TMEM86B: variants seen among roughly 807,000 people sequenced by gnomAD.
TMEM86B encodes the protein lysoplasmalogenase TMEM86B.
A neutral mutation model predicts 12.3 loss-of-function variants in TMEM86B; 15 were observed. That is an observed-to-expected ratio of 1.22 (90% CI 0.81 to 1.87). The LOEUF (loss-of-function observed/expected upper bound fraction) is 1.87. Ranked by LOEUF, TMEM86B falls within the 40% of genes most tolerant of loss-of-function variation. The pLI, the probability that TMEM86B is intolerant of heterozygous loss-of-function variation, is 0.00. For missense variants in TMEM86B, 328 were observed against 297.4 expected (o/e 1.10, Z -0.76); for synonymous variants, 173 against 140.3 (o/e 1.23, Z -1.65).
chr19:55,228,670 C>G, intron 1 of TMEM86B, 21 bp downstream of exon 1: 1 of 1,607,310 alleles, frequency 6.2e-7, no homozygotes, highest in Non-Finnish European at 8.5e-7. Flanking sequence ...CAGCCCCAGG[C>G]ACAGCTCAGA....
At chr19:55,227,817 C>T in intron 2 of TMEM86B, 1 of 609,540 alleles carries the variant, frequency 1.6e-6, no homozygotes, top group Non-Finnish European at 2.8e-6. Flanking sequence ...CCACCCTGGC[C>T]TGCTGGGCTA....
Position 55,228,110 on chromosome 19 carries a change from C to T in TMEM86B, c.298+81G>A, listed in dbSNP as rs370934807. 5.3e-6 allele frequency: 8 copies of T among 1,510,142 alleles called. No individual in the cohort carries two copies. In the East Asian group the frequency reaches 1.1e-4, roughly 22 times the overall value. The allele number at this position is 1,510,142 out of a possible 1,614,324, so 93.5% of individuals were successfully genotyped here. A position where few individuals can be genotyped will look rare whatever the true frequency, so the allele number is the denominator to read the frequency against. ...GACCACTGGAGCTCTCACAGGAGCC[C>T]TCTGCACCCAGGCTCCCATCCAAGT... On this transcript the variant is annotated intron_variant, in intron 2 of 2. Transcript: ENST00000327042.
At position 55,227,198 on chromosome 19, in the gene TMEM86B, C is replaced by T; in HGVS notation, c.664G>A (p.Val222Met). ...CTCCCTAGTCAGTCAGTCTTGGGCA[C>T]CGGGCTCCTGAGGGCTGACAGTGTG... ...LITLSALRSP[V>M]PKTD is the part of the protein sequence containing the mutation. The change falls in exon 3 of 3, where the codon GTG becomes ATG. Residue 222 changes from valine (V) to methionine (M), a missense_variant. Transcript: ENST00000327042. The T allele has an allele frequency of 6.6e-7, 1 of 1,524,962 alleles. No homozygotes were observed. The allele number at this position is 1,524,962 out of a possible 1,614,324, so 94.5% of individuals were successfully genotyped here.
intron 2 of TMEM86B, 30 bp downstream of exon 2, chr19:55,228,161 C>T (rs1418735282): frequency 1.3e-6 from 2 of 1,585,828 alleles, no homozygotes; most frequent in Admixed American, 3.4e-5. Context: ...ACACGGGCAT[C>T]TGGAAAGCGT....
intron 2 of TMEM86B, chr19:55,227,958 G>A: frequency 1.4e-6 from 1 of 719,656 alleles, no homozygotes; most frequent in South Asian, 1.9e-5. Flanking sequence ...GCTTCAAACT[G>A]CAGTACCTCC....
At position 55,228,736 on chromosome 19, in the gene TMEM86B, G is replaced by A. The variant is rs377158968; in HGVS notation, c.6C>T (p.Asp2=). 162 of 1,613,274 alleles carry A rather than the reference G, an allele frequency of 1.0e-4. No individual in the cohort carries two copies. In the African/African-American group the frequency reaches 1.5e-3, roughly 15 times the overall value. M[D]AGKAGQTLKT... The stretch of plus-strand genomic sequence containing the variant: ...TCAGGGTCTGCCCCGCTTTGCCAGC[G>A]TCCATGCTGGCCTGATAGCCCCAGA... Residue 2 remains aspartate (D), a synonymous_variant, in exon 1 of 3, where the codon GAC becomes GAT. Transcript: ENST00000327042.
intron 1 of TMEM86B, 31 bp downstream of exon 1, chr19:55,228,660 C>G (rs746575586): frequency 1.1e-5 from 17 of 1,601,300 alleles, no homozygotes; most frequent in South Asian, 2.2e-5. Flanking sequence ...CCTGTCCCCC[C>G]AGCCCCAGGC....
rs555288137 is a variant in TMEM86B at position 55,228,067 on chromosome 19, GC to G, written c.298+123del. Reference sequence around the variant, plus strand: ...CGTGAGCTGCCTCGGTCACGGCTGCGCCCCCCACTGTGCCTTTGACCACTGG... The same window carrying G: ...CGTGAGCTGCCTCGGTCACGGCTGCGCCCCCACTGTGCCTTTGACCACTGG... On this transcript the variant is annotated intron_variant, in intron 2 of 2. Coordinates refer to ENST00000327042, the MANE Select transcript of TMEM86B (RefSeq NM_173804.5). 3.5e-6 allele frequency: 5 copies of G among 1,428,694 alleles called. No homozygotes were observed. The South Asian group carries it at 5.9e-5, about 17-fold the overall frequency. 88.5% of individuals were successfully genotyped at this position (1,428,694 alleles called of 1,614,324 possible).
chr19:55,228,399 G>C lies in TMEM86B; in HGVS notation c.90C>G (p.Leu30=), dbSNP rs141783629. ...DVCRWLSPFI[L]SCCVYFCLWI... Reference sequence around the variant, plus strand: ...AGAGGCAGAAGTACACGCAGCAGGAGAGGATGAAGGGGCTCAGCCACCTGC... The same window carrying C: ...AGAGGCAGAAGTACACGCAGCAGGACAGGATGAAGGGGCTCAGCCACCTGC... The change falls in exon 2 of 3, where the codon CTC becomes CTG. Residue 30 remains leucine, a synonymous_variant. Coordinates refer to ENST00000327042, the MANE Select transcript of TMEM86B (RefSeq NM_173804.5). 3.8e-5 allele frequency: 62 copies of C among 1,613,454 alleles called. No individual in the cohort carries two copies. Among genetic ancestry groups the C allele is most frequent in the Non-Finnish European group, 4.7e-5 (56 of 1,180,012 alleles).
In TMEM86B at chr19:55,226,978, G is replaced by T; in HGVS notation, c.*203C>A. ...GGATCTGGAGTCAGAACCGGGGGAA[G>T]GCAGCTGGAACCCAGTAGTGGACTT... On this transcript the variant is annotated 3_prime_UTR_variant, in exon 3 of 3. Transcript: ENST00000327042. 2.0e-6 allele frequency: 1 copy of T among 500,810 alleles called. No homozygotes were observed. Among genetic ancestry groups the T allele is most frequent in the Non-Finnish European group, 3.2e-6 (1 of 313,788 alleles). The allele number at this position is 500,810 out of a possible 1,614,324, so 31.0% of individuals were successfully genotyped here.
At position 55,228,431 on chromosome 19, in the gene TMEM86B, C is replaced by G. The variant is rs777780849; in HGVS notation, c.58G>C (p.Asp20His). Residue 20 changes from aspartate to histidine, a missense_variant, in exon 2 of 3, where the codon GAT (aspartate) becomes CAT (histidine). Asp to His is a moderately conservative substitution (Grantham distance 81). Transcript: ENST00000327042. ...LKTHCSAQRPDVCRWLSPFIL... is the reference protein window; with the variant it reads ...LKTHCSAQRPHVCRWLSPFIL... The stretch of plus-strand genomic sequence containing the variant: ...AAGGGGCTCAGCCACCTGCAGACAT[C>G]TGGGCGCTTTGGGGAGTGGGGAGCT... The G allele has an allele frequency of 1.9e-6, 3 of 1,611,980 alleles. No individual in the cohort carries two copies. Among genetic ancestry groups the G allele is most frequent in the Non-Finnish European group, 2.5e-6 (3 of 1,179,976 alleles).
At position 55,227,063 on chromosome 19, in the gene TMEM86B, T is replaced by C. The variant is rs1600098905; in HGVS notation, c.*118A>G. ...CAGAAGCGACGGCGGCAGCGGCGCC[T>C]GCAGACAGGCGTCAGGAAGCTTCGC... On this transcript the variant is annotated 3_prime_UTR_variant, in exon 3 of 3. Transcript: ENST00000327042. The C allele has an allele frequency of 1.6e-6, 2 of 1,218,886 alleles. No individual in the cohort carries two copies. Among genetic ancestry groups the C allele is most frequent in the Non-Finnish European group, 2.1e-6 (2 of 939,250 alleles). 75.5% of individuals were successfully genotyped at this position (1,218,886 alleles called of 1,614,324 possible).
At position 55,228,278 on chromosome 19, in the gene TMEM86B, C is replaced by A; in HGVS notation, c.211G>T (p.Gly71Trp). ...CCCTGGAGGAGCTGGGTGTAGCCCC[C>A]GCTTGGGGACATGACCCACAGGAAC... The part of the protein sequence containing the change: ...AGFLWVMSPS[G>W]GYTQLLQGAL... The change falls in exon 2 of 3, where the codon GGG (glycine) becomes TGG (tryptophan). Residue 71 changes from glycine to tryptophan, a missense_variant. Physicochemically the swap from Gly to Trp is radical, Grantham distance 184. Transcript: ENST00000327042. 1 of 1,613,148 alleles carries A rather than the reference C, an allele frequency of 6.2e-7. No individual in the cohort carries two copies. The highest frequency in any genetic ancestry group is 8.5e-7 in the Non-Finnish European group (1 of 1,179,762).
At chr19:55,227,856 G>C in intron 2 of TMEM86B, 1 of 588,244 alleles carries the variant, frequency 1.7e-6, no homozygotes, top group Non-Finnish European at 2.9e-6. Context: ...CTGCCCCGGA[G>C]CCTTTACACT....
intron 1 of TMEM86B, 100 bp downstream of exon 1, chr19:55,228,591 G>A (rs1403476781): frequency 6.5e-7 from 1 of 1,528,466 alleles, no homozygotes; most frequent in Non-Finnish European, 8.8e-7. Flanking sequence ...AGCTTCCCAG[G>A]GCCCAACCAA....
chr19:55,228,018 G>T, intron 2 of TMEM86B, 173 bp downstream of exon 2: 2 of 1,163,384 alleles, frequency 1.7e-6, no homozygotes, highest in Non-Finnish European at 2.3e-6. Flanking sequence ...CCCTAACACC[G>T]CCTGCCCCCA....
chr19:55,227,327 A>C lies in TMEM86B; in HGVS notation c.535T>G (p.Phe179Val). The C allele has an allele frequency of 6.2e-7, 1 of 1,608,180 alleles. No individual in the cohort carries two copies. The change falls in exon 3 of 3, where the codon TTC (phenylalanine) becomes GTC (valine). Residue 179 changes from phenylalanine (F) to valine (V), a missense_variant. Coordinates refer to ENST00000327042, the MANE Select transcript of TMEM86B (RefSeq NM_173804.5). The part of the protein sequence containing the change: ...GGSAGWGALL[F>V]TLSDGVLAWD... ...GCCAGCACGCCATCAGAGAGCGTGA[A>C]GAGCAGCGCGCCCCAGCCGGCACTC...
Position 55,227,569 on chromosome 19 carries a change from G to T in TMEM86B, c.299-6C>A. 6.6e-7 allele frequency: 1 copy of T among 1,519,424 alleles called. No homozygotes were observed. 94.1% of individuals were successfully genotyped at this position (1,519,424 alleles called of 1,614,324 possible). On this transcript the variant is annotated splice_polypyrimidine_tract_variant and splice_region_variant and intron_variant, in intron 2 of 2. Transcript: ENST00000327042. ...GGTGGCAAAGGCGGCCATGCCTGGC[G>T]GGAGAGGGGTGGGGTACCAGTGAGG...
Position 55,228,323 on chromosome 19 carries a change from G to A in TMEM86B, c.166C>T (p.Pro56Ser), listed in dbSNP as rs372172769. Residue 56 changes from proline (P) to serine (S), a missense_variant, in exon 2 of 3, where the codon CCC (proline) becomes TCC (serine). Physicochemically the swap from Pro to Ser is moderately conservative, Grantham distance 74 (BLOSUM62 -1). Transcript: ENST00000327042. ...SWFAALVKCL[P>S]VLCLAGFLWV... ...AGGAACCCAGCCAGGCAGAGGACGG[G>A]CAGGCACTTGACCAGGGCAGCGAAC... 4 of 1,613,792 alleles carry A rather than the reference G, an allele frequency of 2.5e-6. No individual in the cohort carries two copies. The highest frequency in any genetic ancestry group is 3.4e-6 in the Non-Finnish European group (4 of 1,179,908).
Sources: allele counts gnomAD v4.1 joint callset, GRCh38; gene constraint gnomAD v4.1.1; transcripts MANE v1.5; gene names NCBI Gene and HGNC (gene_info 2026-07-23, HGNC 2026-07-21).